ACOXL: variants seen among roughly 807,000 people sequenced by gnomAD.
The protein encoded by ACOXL is acyl-CoA oxidase like.
A neutral mutation model predicts 71.9 loss-of-function variants in ACOXL; 70 were observed. The observed-to-expected ratio is 0.97, with a 90% CI of 0.80 to 1.19. The LOEUF (loss-of-function observed/expected upper bound fraction) is 1.19. ACOXL is among the 50% of genes most tolerant of loss of function. The pLI, the probability that ACOXL is intolerant of heterozygous loss-of-function variation, is 0.00. For missense variants in ACOXL, 703 were observed against 736.3 expected (o/e 0.95, Z 0.52); for synonymous variants, 253 against 281.6 (o/e 0.90, Z 1.02).
At chr2:110,953,874 G>A (rs983585088) in intron 12 of ACOXL, among the ~76,000 whole-genome samples, 10 of 152,118 alleles carry the variant, frequency 6.6e-5, no homozygotes, top group Non-Finnish European at 1.3e-4. Context: ...ATCAGATCTC[G>A]TGAGAACTCA....
At chr2:111,023,786 G>C (rs1425113871) in intron 14 of ACOXL, among the ~76,000 whole-genome samples, 2 of 152,114 alleles carry the variant, frequency 1.3e-5, no homozygotes, top group Non-Finnish European at 2.9e-5. Flanking sequence ...GTCACAGCTG[G>C]GGAAGCCACC....
chr2:111,104,663 T>G (rs994923259), intron 17 of ACOXL, among the ~76,000 whole-genome samples: 1 of 152,230 alleles, frequency 6.6e-6, no homozygotes, highest in Non-Finnish European at 1.5e-5. Context: ...TTCACTTCAT[T>G]TGCCCATTTC....
At chr2:110,812,136 A>G (rs981649298) in intron 9 of ACOXL, among the ~76,000 whole-genome samples, 1 of 152,212 alleles carries the variant, frequency 6.6e-6, no homozygotes, top group Non-Finnish European at 1.5e-5. Context: ...CCAAGGTTGT[A>G]AATAGGATGT....
intron 10 of ACOXL, among the ~76,000 whole-genome samples, chr2:110,896,499 A>G (rs1237955564): frequency 6.6e-6 from 1 of 152,178 alleles, no homozygotes; most frequent in Non-Finnish European, 1.5e-5. Context: ...TTCAAATGTA[A>G]CAATATAGGC....
intron 2 of ACOXL, among the ~76,000 whole-genome samples, chr2:110,770,596 T>C (rs1681776079): frequency 6.6e-6 from 1 of 152,332 alleles, no homozygotes; most frequent in South Asian, 2.1e-4. Context: ...ACCAAGTAGT[T>C]TGGCAGAGAT....
At chr2:110,752,158 G>T (rs1226119561) in intron 1 of ACOXL, among the ~76,000 whole-genome samples, 1 of 151,906 alleles carries the variant, frequency 6.6e-6, no homozygotes, top group Non-Finnish European at 1.5e-5. Flanking sequence ...ACAGGCATGT[G>T]CCACCACACC....
intron 1 of ACOXL, among the ~76,000 whole-genome samples, chr2:110,736,598 A>G (rs1195736630): frequency 6.7e-6 from 1 of 150,168 alleles, no homozygotes; most frequent in Non-Finnish European, 1.5e-5. Flanking sequence ...CATTGTATGT[A>G]TAGACTACAT....
intron 1 of ACOXL, among the ~76,000 whole-genome samples, chr2:110,751,819 T>TCC (rs1679005456): frequency 6.6e-6 from 1 of 152,210 alleles, no homozygotes; most frequent in Admixed American, 6.5e-5. Context: ...GAACTTATTA[T>TCC]CAGAATCACA....
At chr2:110,759,515 AT>A (rs1189255421) in intron 1 of ACOXL, among the ~76,000 whole-genome samples, 1 of 151,262 alleles carries the variant, frequency 6.6e-6, no homozygotes, top group Non-Finnish European at 1.5e-5. Context: ...TTTTTTTTCC[AT>A]TTGCTCGGTA....
intron 14 of ACOXL, among the ~76,000 whole-genome samples, chr2:111,030,352 A>G (rs554317507): frequency 6.6e-6 from 1 of 152,286 alleles, no homozygotes; most frequent in Non-Finnish European, 1.5e-5. Context: ...TGTAATTGTG[A>G]CACCAGTGCA....
At chr2:110,872,759 GT>G (rs1695430876) in intron 10 of ACOXL, among the ~76,000 whole-genome samples, 1 of 152,242 alleles carries the variant, frequency 6.6e-6, no homozygotes, top group African/African-American at 2.4e-5. Context: ...TGACTGTAAT[GT>G]TTCTGTTAAC....
At chr2:110,841,277 A>G (rs910291918) in intron 9 of ACOXL, 94 bp from the exon 10 acceptor site, 38 of 889,408 alleles carry the variant, frequency 4.3e-5, no homozygotes, top group Non-Finnish European at 6.7e-5. Context: ...GAAAATCTTT[A>G]AAACGTAATT....
chr2:110,798,870 C>G (rs763439726), intron 6 of ACOXL, 144 bp from the exon 7 acceptor site: 178 of 1,125,510 alleles, frequency 1.6e-4, no homozygotes, highest in Non-Finnish European at 2.0e-4. Flanking sequence ...TTTATCATTA[C>G]ATTTTGACAT....
chr2:110,746,434 T>C (rs1031125243), intron 1 of ACOXL, among the ~76,000 whole-genome samples: 33 of 152,098 alleles, frequency 2.2e-4, no homozygotes, highest in Admixed American at 3.9e-4. Context: ...CAGATTGTAG[T>C]TGGCCCTTGA....
At chr2:110,740,539 T>C (rs1677397024) in intron 1 of ACOXL, among the ~76,000 whole-genome samples, 1 of 152,218 alleles carries the variant, frequency 6.6e-6, no homozygotes, top group Non-Finnish European at 1.5e-5. Context: ...GACATCCTAT[T>C]TTCTGCCATT....
rs866936536 is a variant in ACOXL at position 111,018,714 on chromosome 2, G to T, written c.1282-12913G>T. Reference sequence around the variant, plus strand: ...TGGGTGGTAGCAGAGAGGCTGGAGGGGGTGTTGGTGGGACTTGGGACGCTG... The same window carrying T: ...TGGGTGGTAGCAGAGAGGCTGGAGGTGGTGTTGGTGGGACTTGGGACGCTG... On this transcript the variant is annotated intron_variant, in intron 14 of 17. Transcript: ENST00000439055. Among the ~76,000 whole-genome samples the T allele has an allele frequency of 2.2e-5, 3 of 135,086 alleles. No homozygotes were observed. The South Asian group carries it at 6.3e-4, about 28-fold the overall frequency. 88.6% of individuals were successfully genotyped at this position (135,086 alleles called of 152,430 possible). A position where few individuals can be genotyped will look rare whatever the true frequency, so the allele number is the denominator to read the frequency against.
At chr2:110,823,780 G>A (rs1688885052) in intron 9 of ACOXL, among the ~76,000 whole-genome samples, 1 of 152,168 alleles carries the variant, frequency 6.6e-6, no homozygotes, top group Non-Finnish European at 1.5e-5. Context: ...GCAAGTATCT[G>A]TTCAGATCTT....
In ACOXL at chr2:111,093,462, A is replaced by C. The variant is rs754416152; in HGVS notation, c.1542+496A>C. On this transcript the variant is annotated intron_variant, in intron 17 of 17. Transcript: ENST00000439055. ...AACAGCATACTCATCAGTAAAACAC[A>C]TTTCTGATTACATCCTTTCTGCAGG... 8 of 1,614,014 alleles carry C rather than the reference A, an allele frequency of 5.0e-6. No homozygotes were observed. The Admixed American group carries it at 1.3e-4, about 27-fold the overall frequency.
Position 110,933,536 on chromosome 2 carries a change from T to C in ACOXL, c.953T>C (p.Leu318Pro). The C allele has an allele frequency of 6.2e-7, 1 of 1,614,220 alleles. No homozygotes were observed. The highest frequency in any genetic ancestry group is 8.5e-7 in the Non-Finnish European group (1 of 1,180,024). Residue 318 changes from leucine to proline, a missense_variant, in exon 12 of 18, where the codon CTG (leucine) becomes CCG (proline). Physicochemically the swap from Leu to Pro is moderately conservative, Grantham distance 98 (BLOSUM62 -3). Coordinates refer to ENST00000439055, the MANE Select transcript of ACOXL (RefSeq NM_001142807.4). Reference sequence around the variant, plus strand: ...GAGGATGTCTTCCAGGGAAAGGAGCTGGTCAACAGTCGCTCGCTGCAGGCT... The same window carrying C: ...GAGGATGTCTTCCAGGGAAAGGAGCCGGTCAACAGTCGCTCGCTGCAGGCT... Reference protein sequence around the residue: ...LDEDVFQGKELVNSRSLQALV... With the variant: ...LDEDVFQGKEPVNSRSLQALV...
Sources: allele counts gnomAD v4.1 joint callset (sites outside exome capture counted in the v4.1 genomes callset), GRCh38; gene constraint gnomAD v4.1.1; transcripts MANE v1.5; gene names NCBI Gene and HGNC (gene_info 2026-07-23, HGNC 2026-07-21).